Variants in KIAA1217 observed in about 807,000 individuals in gnomAD.
The protein encoded by KIAA1217 is KIAA1217.
Under a neutral mutation model 163.9 loss-of-function variants are expected in KIAA1217, and 88 were observed. The ratio of observed to expected loss-of-function variants is 0.54; its 90% CI spans 0.45 to 0.64. The LOEUF is 0.64. Among genes scored for constraint, KIAA1217 ranks in the 30% least tolerant of loss-of-function variants. The probability of loss-of-function intolerance (pLI) is 0.00; values close to 1 mark genes in which losing one functional copy is unlikely to be tolerated. For synonymous variants in KIAA1217, 903 were observed against 923.1 expected, an observed-to-expected ratio of 0.98 and a Z score of 0.39; for missense variants, 2,372 against 2,475.0, an observed-to-expected ratio of 0.96 and a Z score of 0.88.
intron 1 of KIAA1217, among the ~76,000 whole-genome samples, chr10:23,999,690 C>G (rs1229089102): frequency 6.6e-6 from 1 of 152,138 alleles, no homozygotes; most frequent in African/African-American, 2.4e-5. Context: ...GAATGGTGGA[C>G]TCTCCCGCAA....
intron 5 of KIAA1217, among the ~76,000 whole-genome samples, chr10:24,467,946 C>T (rs1375557802): frequency 1.3e-5 from 2 of 152,080 alleles, no homozygotes; most frequent in Admixed American, 6.6e-5. Flanking sequence ...CATGTCTTTA[C>T]TCATTAGCCA....
chr10:24,187,346 C>T (rs1249154924), intron 2 of KIAA1217, among the ~76,000 whole-genome samples: 3 of 152,174 alleles, frequency 2.0e-5, no homozygotes, highest in Non-Finnish European at 1.5e-5. Context: ...CTCTTCGCTG[C>T]CTCCCAGGTC....
At chr10:24,219,992 G>C in intron 2 of KIAA1217, 83 bp downstream of exon 2, 2 of 1,406,532 alleles carry the variant, frequency 1.4e-6, no homozygotes, top group Non-Finnish European at 1.9e-6. Flanking sequence ...CTTTGTAAAA[G>C]GTAAAGGATA....
intron 2 of KIAA1217, among the ~76,000 whole-genome samples, chr10:24,113,498 T>C (rs544466047): frequency 6.6e-6 from 1 of 152,258 alleles, no homozygotes; most frequent in East Asian, 1.9e-4. Flanking sequence ...TAATTAGGGA[T>C]GAGTATTGTA....
chr10:23,708,152 G>A (rs568051581), intron 1 of KIAA1217, among the ~76,000 whole-genome samples: 33 of 152,196 alleles, frequency 2.2e-4, no homozygotes, highest in Middle Eastern at 3.4e-3. Context: ...CAAGTGAAAG[G>A]GGCTTCCCCT....
chr10:24,062,792 C>T (rs963387656), intron 2 of KIAA1217, among the ~76,000 whole-genome samples: 19 of 152,110 alleles, frequency 1.2e-4, no homozygotes, highest in African/African-American at 4.6e-4. Context: ...ACATCCTCTC[C>T]AGCACCTGTT....
intron 2 of KIAA1217, among the ~76,000 whole-genome samples, chr10:24,264,986 G>A (rs1432586938): frequency 6.6e-6 from 1 of 152,036 alleles, no homozygotes; most frequent in Non-Finnish European, 1.5e-5. Context: ...GAGTAGCTGG[G>A]ACTACAAGTG....
At chr10:24,165,177 A>G (rs2065288373) in intron 2 of KIAA1217, among the ~76,000 whole-genome samples, 1 of 152,224 alleles carries the variant, frequency 6.6e-6, no homozygotes, top group South Asian at 2.1e-4. Flanking sequence ...ATTCCCACAT[A>G]GACCATAGAC....
At chr10:23,936,538 A>G (rs1403220731) in intron 1 of KIAA1217, among the ~76,000 whole-genome samples, 3 of 152,194 alleles carry the variant, frequency 2.0e-5, no homozygotes, top group African/African-American at 7.2e-5. Flanking sequence ...AGATTCAGAC[A>G]CAAAGACACA....
intron 1 of KIAA1217, among the ~76,000 whole-genome samples, chr10:23,810,145 C>T (rs2050488): frequency 0.2 from 30,220 of 151,372 alleles, 3,216 homozygotes; most frequent in Middle Eastern, 0.29. Flanking sequence ...TGACTTAAGA[C>T]ATTTTCAACT....
intron 2 of KIAA1217, among the ~76,000 whole-genome samples, chr10:24,343,204 C>T (rs957796917): frequency 1.3e-5 from 2 of 152,114 alleles, no homozygotes; most frequent in East Asian, 1.9e-4. Context: ...AAAATGTTTA[C>T]AAATCTTACC....
intron 1 of KIAA1217, among the ~76,000 whole-genome samples, chr10:23,770,093 T>C (rs146557434): frequency 3.4e-4 from 52 of 152,324 alleles, no homozygotes; most frequent in African/African-American, 1.2e-3. Context: ...TTCATAAAGA[T>C]AGTTTTGATT....
At chr10:23,792,178 T>A (rs539726469) in intron 1 of KIAA1217, among the ~76,000 whole-genome samples, 24 of 152,354 alleles carry the variant, frequency 1.6e-4, no homozygotes, top group African/African-American at 5.3e-4. Flanking sequence ...CATTTAACCC[T>A]GTCAGTGGGG....
intron 1 of KIAA1217, among the ~76,000 whole-genome samples, chr10:23,850,539 T>C (rs1353219415): frequency 1.3e-5 from 2 of 152,110 alleles, no homozygotes; most frequent in Admixed American, 1.3e-4. Context: ...GACACACCTT[T>C]GTGGGCCCAG....
chr10:24,273,281 C>A (rs761987861), intron 2 of KIAA1217, among the ~76,000 whole-genome samples: 2 of 152,198 alleles, frequency 1.3e-5, no homozygotes, highest in Admixed American at 1.3e-4. Flanking sequence ...CAGAGAAGAG[C>A]ATTTGAACAA....
intron 5 of KIAA1217, among the ~76,000 whole-genome samples, chr10:24,471,353 T>A (rs1389820182): frequency 6.6e-6 from 1 of 152,042 alleles, no homozygotes; most frequent in South Asian, 2.1e-4. Context: ...CCAATAGAAC[T>A]TGAAGAATGG....
intron 2 of KIAA1217, among the ~76,000 whole-genome samples, chr10:24,286,172 G>A (rs2078521550): frequency 6.6e-6 from 1 of 151,986 alleles, no homozygotes; most frequent in African/African-American, 2.4e-5. Flanking sequence ...ATATGCATCT[G>A]TTTGTGTTCT....
At chr10:24,495,461 GCT>G (rs2066676998) in intron 8 of KIAA1217, among the ~76,000 whole-genome samples, 1 of 152,140 alleles carries the variant, frequency 6.6e-6, no homozygotes, top group Non-Finnish European at 1.5e-5. Context: ...CAGACACGGG[GCT>G]GCCTGCCTAG....
At chr10:24,021,916 C>G (rs1847749945) in intron 2 of KIAA1217, among the ~76,000 whole-genome samples, 1 of 151,690 alleles carries the variant, frequency 6.6e-6, no homozygotes, top group Non-Finnish European at 1.5e-5. Flanking sequence ...AGACACAGTT[C>G]TGACACCTTT....
Sources: gnomAD v4.1 joint callset for allele counts (sites outside exome capture counted in the v4.1 genomes callset) on GRCh38, gnomAD v4.1.1 for gene constraint, MANE v1.5 for transcripts, NCBI Gene and HGNC (gene_info 2026-07-23, HGNC 2026-07-21) for gene names.